Variants in MTBP observed in about 807,000 individuals in gnomAD.
The protein encoded by MTBP is mdm2-binding protein.
A neutral mutation model predicts 117.0 loss-of-function variants in MTBP; 101 were observed. The observed-to-expected ratio is 0.86, with a 90% CI of 0.73 to 1.02. The LOEUF (loss-of-function observed/expected upper bound fraction) is 1.02, where lower values mean the gene tolerates loss of function less well. Ranked by LOEUF, MTBP falls within the 50% of genes least tolerant of loss-of-function variation. The probability of loss-of-function intolerance (pLI) is 0.00; values close to 1 mark genes in which losing one functional copy is unlikely to be tolerated. For missense variants in MTBP, 970 were observed against 1,030.9 expected (o/e 0.94, Z 0.81); for synonymous variants, 350 against 351.5 (o/e 1.00, Z 0.05).
chr8:120,482,693 T>C (rs375426697), intron 11 of MTBP, among the ~76,000 whole-genome samples: 5 of 152,150 alleles, frequency 3.3e-5, no homozygotes, highest in East Asian at 1.9e-4. Flanking sequence ...TATTCTTCTT[T>C]TTTTTTTTCT....
At chr8:120,484,544 T>A (rs1814169271) in intron 11 of MTBP, among the ~76,000 whole-genome samples, 1 of 152,188 alleles carries the variant, frequency 6.6e-6, no homozygotes. Context: ...GAATCTTTTA[T>A]TTGCTGTGTG....
At chr8:120,494,939 T>C (rs1814419660) in intron 13 of MTBP, among the ~76,000 whole-genome samples, 1 of 152,184 alleles carries the variant, frequency 6.6e-6, no homozygotes. Flanking sequence ...TTCCTTTTTA[T>C]TTCTCTATTG....
chr8:120,512,008 CCTT>C (rs1191102192), intron 17 of MTBP, among the ~76,000 whole-genome samples: 2 of 152,090 alleles, frequency 1.3e-5, no homozygotes, highest in African/African-American at 4.8e-5. Context: ...TTAAACTTCT[CCTT>C]CTTATTCCAT....
intron 14 of MTBP, among the ~76,000 whole-genome samples, chr8:120,500,623 T>G (rs1814563714): frequency 6.6e-6 from 1 of 152,226 alleles, no homozygotes; most frequent in South Asian, 2.1e-4. Flanking sequence ...ATGTGAAGTG[T>G]TGTATTTGGA....
chr8:120,484,341 C>G (rs1474270071), intron 11 of MTBP, among the ~76,000 whole-genome samples: 1 of 152,078 alleles, frequency 6.6e-6, no homozygotes, highest in Non-Finnish European at 1.5e-5. Context: ...ATTAATGTCA[C>G]TCTAGCTATC....
Position 120,498,345 on chromosome 8 carries a change from C to T in MTBP, c.1609+791C>T, listed in dbSNP as rs537165405. Among the ~76,000 whole-genome samples, 5 of 152,250 alleles carry T rather than the reference C, an allele frequency of 3.3e-5. No homozygotes were observed. The South Asian group carries it at 1.0e-3, about 32-fold the overall frequency. ...TTTGTTTTATCATTATCATCACCAT[C>T]GCATATCAGTACCCAAGTTAAATAG... On this transcript the variant is annotated intron_variant, in intron 14 of 21. Transcript: ENST00000305949.
chr8:120,464,891 C>T (rs1813656347), intron 10 of MTBP, among the ~76,000 whole-genome samples: 1 of 151,630 alleles, frequency 6.6e-6, no homozygotes, highest in Non-Finnish European at 1.5e-5. Context: ...ATGAAGTGTA[C>T]AGAAGAAGCT....
Position 120,465,712 on chromosome 8 carries a change from A to G in MTBP, c.1047+1951A>G, listed in dbSNP as rs1010498539. ...TCTCGCTCTGTCACCCAGGCTGGAGAGCAGTGGCGCGATCTCAGCTCACCG... is the reference window on the plus strand; with the variant it reads ...TCTCGCTCTGTCACCCAGGCTGGAGGGCAGTGGCGCGATCTCAGCTCACCG... On this transcript the variant is annotated intron_variant, in intron 10 of 21. Coordinates refer to ENST00000305949, the MANE Select transcript of MTBP (RefSeq NM_022045.5). Among the ~76,000 whole-genome samples, 100 of 130,546 alleles carry G rather than the reference A, an allele frequency of 7.7e-4. 1 individual carries two copies. The highest frequency in any genetic ancestry group is 2.8e-3 in the African/African-American group (95 of 34,438). 85.6% of individuals were successfully genotyped at this position (130,546 alleles called of 152,430 possible).
chr8:120,497,638 G>A, intron 14 of MTBP, 84 bp downstream of exon 14: 1 of 830,510 alleles, frequency 1.2e-6, no homozygotes, highest in Non-Finnish European at 1.8e-6. Flanking sequence ...AAATGTATTG[G>A]TCAAATCAAA....
chr8:120,454,692 C>T (rs1813431453), intron 5 of MTBP, among the ~76,000 whole-genome samples: 1 of 151,944 alleles, frequency 6.6e-6, no homozygotes, highest in South Asian at 2.1e-4. Flanking sequence ...GTACAAAAAG[C>T]CCCACATAGA....
In MTBP at chr8:120,456,540, C is replaced by CT. The variant is rs750625402; in HGVS notation, c.630-5dup. ...AAACCCTGTGTTTAATTGTTGTAAT[C>CT]TTTTTTTTATAGAAACTGTCAGAAA... On this transcript the variant is annotated splice_polypyrimidine_tract_variant and intron_variant, in intron 6 of 21. Coordinates refer to ENST00000305949, the MANE Select transcript of MTBP (RefSeq NM_022045.5). 141 of 1,356,686 alleles carry CT rather than the reference C, an allele frequency of 1.0e-4. No individual in the cohort carries two copies. The highest frequency in any genetic ancestry group is 1.2e-4 in the Non-Finnish European group (112 of 962,384). 84.0% of individuals were successfully genotyped at this position (1,356,686 alleles called of 1,614,324 possible). A position where few individuals can be genotyped will look rare whatever the true frequency, so the allele number is the denominator to read the frequency against.
rs540148983 is a variant in MTBP, at chr8:120,489,099, T to C, written c.1339+767T>C. Among the ~76,000 whole-genome samples, 236 of 143,258 alleles carry C rather than the reference T, an allele frequency of 1.6e-3. 1 individual carries two copies. The highest frequency in any genetic ancestry group is 8.4e-3 in the Middle Eastern group (2 of 238). 94.0% of individuals were successfully genotyped at this position (143,258 alleles called of 152,430 possible). ...CTGTCACCAGGCTAGAGTGCAGTGG[T>C]GCAATCTTCGCTCACTGCAACCTCT... On this transcript the variant is annotated intron_variant, in intron 12 of 21. Transcript: ENST00000305949.
At chr8:120,449,404 C>T (rs1276265596) in intron 2 of MTBP, among the ~76,000 whole-genome samples, 4 of 152,060 alleles carry the variant, frequency 2.6e-5, no homozygotes. Context: ...AAATGTTTTA[C>T]ATGTTTACTA....
Position 120,451,340 on chromosome 8 carries a change from T to C in MTBP, c.425+18T>C. On this transcript the variant is annotated intron_variant, in intron 4 of 21. Transcript: ENST00000305949. ...TTGGCTGAGTATGCTTATATGGTTTTTGTATTATCATTAAAATACTTAATA... is the reference window on the plus strand; with the variant it reads ...TTGGCTGAGTATGCTTATATGGTTTCTGTATTATCATTAAAATACTTAATA... The C allele has an allele frequency of 6.3e-7, 1 of 1,587,092 alleles. No individual in the cohort carries two copies. The highest frequency in any genetic ancestry group is 8.6e-7 in the Non-Finnish European group (1 of 1,156,236).
intron 10 of MTBP, among the ~76,000 whole-genome samples, chr8:120,465,806 T>C (rs562889808): frequency 1.3e-4 from 20 of 152,072 alleles, no homozygotes; most frequent in Admixed American, 9.8e-4. Context: ...ATTACAGGCA[T>C]GTGCCACCAT....
intron 15 of MTBP, among the ~76,000 whole-genome samples, chr8:120,505,976 G>A (rs372055316): frequency 9.9e-5 from 15 of 152,088 alleles, no homozygotes; most frequent in South Asian, 6.2e-4. Context: ...TTGACAAGTC[G>A]GAATAATGAT....
intron 7 of MTBP, among the ~76,000 whole-genome samples, chr8:120,457,617 T>C (rs1450887130): frequency 6.6e-6 from 1 of 152,128 alleles, no homozygotes; most frequent in African/African-American, 2.4e-5. Flanking sequence ...GCAAATGTTT[T>C]AGTATAAAGA....
At chr8:120,474,417 T>TA (rs1813890000) in intron 11 of MTBP, among the ~76,000 whole-genome samples, 1 of 152,028 alleles carries the variant, frequency 6.6e-6, no homozygotes, top group South Asian at 2.1e-4. Context: ...TTAGTTAATG[T>TA]AAAAGCTTCA....
intron 14 of MTBP, among the ~76,000 whole-genome samples, chr8:120,498,499 C>T (rs1284207893): frequency 6.6e-6 from 1 of 152,212 alleles, no homozygotes; most frequent in Non-Finnish European, 1.5e-5. Flanking sequence ...TAGCAGCTTA[C>T]TTGCTGTGTG....
Sources: gnomAD v4.1 joint callset for allele counts (sites outside exome capture counted in the v4.1 genomes callset) on GRCh38, gnomAD v4.1.1 for gene constraint, MANE v1.5 for transcripts, NCBI Gene and HGNC (gene_info 2026-07-23, HGNC 2026-07-21) for gene names.